The following INPP5A variants were observed in gnomAD, a reference collection of about 807,000 sequenced individuals.
The protein encoded by INPP5A is 43 kDa inositol polyphosphate 5-phophatase.
Under a neutral mutation model 65.2 loss-of-function variants are expected in INPP5A, and 14 were observed. The ratio of observed to expected loss-of-function variants is 0.21; its 90% CI spans 0.14 to 0.34. INPP5A has a LOEUF of 0.34. INPP5A is among the 10% of genes least tolerant of loss of function. The pLI is 1.00. For synonymous variants in INPP5A, 207 were observed against 208.3 expected (o/e 0.99, Z 0.05); for missense variants, 431 against 545.6 (o/e 0.79, Z 2.09).
intron 2 of INPP5A, among the ~76,000 whole-genome samples, chr10:132,643,366 G>T (rs182025036): frequency 2.0e-5 from 3 of 152,174 alleles, no homozygotes; most frequent in Admixed American, 2.0e-4. Context: ...CCAGATGTGG[G>T]GACTCACACC....
intron 4 of INPP5A, among the ~76,000 whole-genome samples, chr10:132,654,191 G>A (rs892003978): frequency 1.3e-5 from 2 of 152,240 alleles, no homozygotes; most frequent in African/African-American, 2.4e-5. Context: ...CTGTGGCCTG[G>A]CAGGAGCTCC....
At chr10:132,730,132 A>AG (rs1460532953) in intron 9 of INPP5A, among the ~76,000 whole-genome samples, 1 of 152,202 alleles carries the variant, frequency 6.6e-6, no homozygotes, top group Non-Finnish European at 1.5e-5. Context: ...CCCCCACAGT[A>AG]GCTGGTTTTA....
At chr10:132,562,587 G>A (rs961356719) in intron 1 of INPP5A, among the ~76,000 whole-genome samples, 2 of 152,270 alleles carry the variant, frequency 1.3e-5, no homozygotes, top group South Asian at 2.1e-4. Flanking sequence ...CTCCCAGCAC[G>A]TGAAACATGG....
At chr10:132,605,499 G>A (rs1384634114) in intron 1 of INPP5A, among the ~76,000 whole-genome samples, 2 of 151,030 alleles carry the variant, frequency 1.3e-5, no homozygotes, top group Non-Finnish European at 3.0e-5. Context: ...CTGGGGATGG[G>A]GAGGGGACAG....
In INPP5A at chr10:132,547,956, A is replaced by G. The variant is rs2071000333; in HGVS notation, c.75+9785A>G. Among the ~76,000 whole-genome samples, 1 of 151,524 alleles carries G rather than the reference A, an allele frequency of 6.6e-6. No homozygotes were observed. The highest frequency in any genetic ancestry group is 2.1e-4 in the South Asian group (1 of 4,782). ...ACTCCATCACCCAGGCTGGAGTACA[A>G]TGGCGTGATCTCACCTCACTGCGAC... On this transcript the variant is annotated intron_variant, in intron 1 of 15. Coordinates refer to ENST00000368594, the MANE Select transcript of INPP5A (RefSeq NM_005539.5). The surrounding 1 kb of genome is among the most constrained non-coding windows in gnomAD (Gnocchi z 5.5).
chr10:132,710,580 AG>A, intron 8 of INPP5A, 124 bp downstream of exon 8: 1 of 1,321,120 alleles, frequency 7.6e-7, no homozygotes, highest in Non-Finnish European at 1.0e-6. Context: ...GTGGGTGGAC[AG>A]GTAGGTGGGG....
At chr10:132,742,417 G>A (rs1276904727) in intron 9 of INPP5A, among the ~76,000 whole-genome samples, 3 of 152,178 alleles carry the variant, frequency 2.0e-5, no homozygotes, top group Non-Finnish European at 2.9e-5. Context: ...CAGAGAGGGT[G>A]CCCACCGCCT....
Position 132,638,806 on chromosome 10 carries a change from G to A in INPP5A, c.118-7062G>A, listed in dbSNP as rs567863952. On this transcript the variant is annotated intron_variant, in intron 2 of 15. Transcript: ENST00000368594. Reference sequence around the variant, plus strand: ...TGGTCTCGAACTTCTGACCTCAGGTGATCCACCCGCCTCGGCCTCCCAAAT... The same window carrying A: ...TGGTCTCGAACTTCTGACCTCAGGTAATCCACCCGCCTCGGCCTCCCAAAT... Among the ~76,000 whole-genome samples, 21 of 152,262 alleles carry A rather than the reference G, an allele frequency of 1.4e-4. No homozygotes were observed. The South Asian group carries it at 4.4e-3, about 32-fold the overall frequency.
chr10:132,649,322 C>T (rs2072541301), intron 3 of INPP5A, among the ~76,000 whole-genome samples: 1 of 152,186 alleles, frequency 6.6e-6, no homozygotes, highest in Admixed American at 6.5e-5. Context: ...GCTTTCAGCT[C>T]ACTCCGTCAT....
chr10:132,542,612 T>C (rs1457634554), intron 1 of INPP5A, among the ~76,000 whole-genome samples: 9 of 152,110 alleles, frequency 5.9e-5, no homozygotes, highest in Admixed American at 5.9e-4. Context: ...TCCATGTCCT[T>C]CTCCAGGCCT....
intron 5 of INPP5A, among the ~76,000 whole-genome samples, chr10:132,696,462 G>A (rs956889591): frequency 6.6e-6 from 1 of 152,172 alleles, no homozygotes; most frequent in African/African-American, 2.4e-5. Flanking sequence ...ACTGTGGCAT[G>A]TCAGCTCCAC....
chr10:132,671,228 G>T (rs981720687), intron 4 of INPP5A, among the ~76,000 whole-genome samples: 6 of 152,104 alleles, frequency 3.9e-5, no homozygotes, highest in African/African-American at 1.4e-4. Context: ...GTGGGCAACT[G>T]GGGCCCCTGG....
At chr10:132,630,702 C>T (rs1227135885) in intron 2 of INPP5A, among the ~76,000 whole-genome samples, 1 of 135,112 alleles carries the variant, frequency 7.4e-6, no homozygotes, top group Non-Finnish European at 1.6e-5. Context: ...GTGAAAGTGT[C>T]CATGAGGGTG....
intron 1 of INPP5A, among the ~76,000 whole-genome samples, chr10:132,553,347 G>T (rs1046302198): frequency 4.9e-5 from 7 of 143,020 alleles, no homozygotes; most frequent in South Asian, 2.3e-4. Context: ...AGCCTTGGTG[G>T]CATATTGAGT....
chr10:132,691,665 CT>C (rs1845264162), intron 5 of INPP5A, among the ~76,000 whole-genome samples: 1 of 152,232 alleles, frequency 6.6e-6, no homozygotes, highest in Non-Finnish European at 1.5e-5. Context: ...TCTAGCAAAA[CT>C]TTCCCCAGAG....
At position 132,749,767 on chromosome 10, in the gene INPP5A, A is replaced by G; in HGVS notation, c.829-4A>G. The G allele has an allele frequency of 6.2e-7, 1 of 1,613,006 alleles. No individual in the cohort carries two copies. Among genetic ancestry groups the G allele is most frequent in the Non-Finnish European group, 8.5e-7 (1 of 1,179,908 alleles). ...GGTGCTCATGGGCCACTCTGACTTCACAGGTTATGCTCCAGTTAGAAAAGA... is the reference window on the plus strand; with the variant it reads ...GGTGCTCATGGGCCACTCTGACTTCGCAGGTTATGCTCCAGTTAGAAAAGA... On this transcript the variant is annotated splice_polypyrimidine_tract_variant and splice_region_variant and intron_variant, in intron 10 of 15. Coordinates refer to ENST00000368594, the MANE Select transcript of INPP5A (RefSeq NM_005539.5).
In INPP5A at chr10:132,545,698, G is replaced by C. The variant is rs2070960942; in HGVS notation, c.75+7527G>C. 6.6e-6 allele frequency among the ~76,000 whole-genome samples: 1 copy of C among 152,218 alleles called. No individual in the cohort carries two copies. Among genetic ancestry groups the C allele is most frequent in the African/African-American group, 2.4e-5 (1 of 41,458 alleles). ...CTCGGTTTCATTAATTGGGATACTTGGGAATCTCAGAGCCCGGTGGGAACC... is the reference window on the plus strand; with the variant it reads ...CTCGGTTTCATTAATTGGGATACTTCGGAATCTCAGAGCCCGGTGGGAACC... On this transcript the variant is annotated intron_variant, in intron 1 of 15. Coordinates refer to ENST00000368594, the MANE Select transcript of INPP5A (RefSeq NM_005539.5). This position sits in a 1 kb window ranked among gnomAD's most constrained non-coding sequence, Gnocchi z 4.6.
In INPP5A at chr10:132,550,794, G is replaced by A. The variant is rs753537277; in HGVS notation, c.75+12623G>A. Among the ~76,000 whole-genome samples, 9 of 152,214 alleles carry A rather than the reference G, an allele frequency of 5.9e-5. No homozygotes were observed. Among genetic ancestry groups the A allele is most frequent in the Non-Finnish European group, 8.8e-5 (6 of 68,036 alleles). ...GTGAGGGGCCATGGTCGCTGACCTC[G>A]CCTCCTGTTGTCTTAGATCCTTGGC... On this transcript the variant is annotated intron_variant, in intron 1 of 15. Transcript: ENST00000368594. This position sits in a 1 kb window ranked among gnomAD's most constrained non-coding sequence, Gnocchi z 4.2.
At chr10:132,563,027 TGG>T (rs2071225644) in intron 1 of INPP5A, among the ~76,000 whole-genome samples, 1 of 152,136 alleles carries the variant, frequency 6.6e-6, no homozygotes. Flanking sequence ...GGTGCCCTCA[TGG>T]GCCAGAACTG....
Sources: allele counts gnomAD v4.1 joint callset (sites outside exome capture counted in the v4.1 genomes callset), GRCh38; gene constraint gnomAD v4.1.1; non-coding constraint Gnocchi (gnomAD v3.1); transcripts MANE v1.5; gene names NCBI Gene and HGNC (gene_info 2026-07-23, HGNC 2026-07-21).